The following TSC22D1 variants were observed in gnomAD, a reference collection of about 807,000 sequenced individuals.
TSC22D1 encodes TSC22 domain family protein 1.
TSC22D1 carries 9 observed loss-of-function variants against 74.2 expected under a neutral mutation model. That is an observed-to-expected ratio of 0.12 (90% confidence interval 0.07 to 0.21). The LOEUF (loss-of-function observed/expected upper bound fraction) is 0.21, where lower values mean the gene tolerates loss of function less well. Among genes scored for constraint, TSC22D1 ranks in the 10% least tolerant of loss-of-function variants. The pLI is 1.00. For missense variants in TSC22D1, 1,427 were observed against 1,304.7 expected, an observed-to-expected ratio of 1.09 and a Z score of -1.44; for synonymous variants, 586 against 492.5, an observed-to-expected ratio of 1.19 and a Z score of -2.51.
At chr13:44,542,850 T>C (rs1458962218) in intron 1 of TSC22D1, among the ~76,000 whole-genome samples, 2 of 152,124 alleles carry the variant, frequency 1.3e-5, no homozygotes, top group Non-Finnish European at 2.9e-5. Context: ...ATATTATTGA[T>C]GGAAGCTCCT....
intron 1 of TSC22D1, among the ~76,000 whole-genome samples, chr13:44,494,312 G>A (rs1878858726): frequency 7.2e-6 from 1 of 137,948 alleles, no homozygotes; most frequent in Admixed American, 7.8e-5. Flanking sequence ...AGAGGTGGAG[G>A]TTGCAGTGAG....
intron 1 of TSC22D1, among the ~76,000 whole-genome samples, chr13:44,448,828 G>A (rs1875891733): frequency 6.6e-6 from 1 of 152,078 alleles, no homozygotes; most frequent in Admixed American, 6.5e-5. Flanking sequence ...GTTGGATGGA[G>A]CATAGAACCA....
chr13:44,498,941 TAAGTCA>T (rs1286125655), intron 1 of TSC22D1, among the ~76,000 whole-genome samples: 1 of 152,180 alleles, frequency 6.6e-6, no homozygotes, highest in African/African-American at 2.4e-5. Flanking sequence ...AAAACTAGTC[TAAGTCA>T]ATCTAAGGAA....
At chr13:44,516,230 ATTAGT>A in intron 1 of TSC22D1, 1 of 340,138 alleles carries the variant, frequency 2.9e-6, no homozygotes, top group Non-Finnish European at 5.6e-6. Flanking sequence ...GTTGAACATC[ATTAGT>A]TTACTTGAGA....
chr13:44,509,950 C>CAAAAAAAAAAAAAAAAAAAAAAATAAA, intron 1 of TSC22D1, among the ~76,000 whole-genome samples: 10 of 51,428 alleles, frequency 1.9e-4, no homozygotes, highest in Non-Finnish European at 2.9e-4. Flanking sequence ...AGAAAATAAG[C>CAAAAAAAAAAAAAAAAAAAAAAATAAA]AAAAAAAAAA....
rs202192545 is a variant in TSC22D1 at position 44,573,530 on chromosome 13, T to C, written c.2545A>G (p.Thr849Ala). The C allele has an allele frequency of 9.7e-5, 157 of 1,614,126 alleles. No homozygotes were observed. The highest frequency in any genetic ancestry group is 3.8e-4 in the Admixed American group (23 of 60,006). ...ATATTTTGTGGTGGAACCAAGTTTG[T>C]TGGGGCAGAAGGCATTCCAGAAGGA... ...TGPSGMPSAP[T>A]NLVPPQNIAQ... The change falls in exon 1 of 3, where the codon ACA becomes GCA. Residue 849 changes from threonine to alanine, a missense_variant. Coordinates refer to ENST00000458659, the MANE Select transcript of TSC22D1 (RefSeq NM_183422.4).
chr13:44,532,865 G>A (rs937636226), intron 1 of TSC22D1, among the ~76,000 whole-genome samples: 2 of 152,078 alleles, frequency 1.3e-5, no homozygotes, highest in Non-Finnish European at 2.9e-5. Flanking sequence ...CTTGGGCTTG[G>A]AATTGATGGG....
At chr13:44,481,105 G>A (rs1878157294) in intron 1 of TSC22D1, among the ~76,000 whole-genome samples, 1 of 152,228 alleles carries the variant, frequency 6.6e-6, no homozygotes, top group Non-Finnish European at 1.5e-5. Flanking sequence ...GAGACAGAAG[G>A]AGAACCAGAA....
intron 1 of TSC22D1, among the ~76,000 whole-genome samples, chr13:44,487,211 A>C (rs549682090): frequency 1.5e-4 from 23 of 152,054 alleles, no homozygotes; most frequent in Non-Finnish European, 2.9e-4. Flanking sequence ...AAAAAAAGAA[A>C]TTACTGGCCA....
At chr13:44,494,887 A>T (rs1005656556) in intron 1 of TSC22D1, among the ~76,000 whole-genome samples, 19 of 152,240 alleles carry the variant, frequency 1.2e-4, no homozygotes, top group Non-Finnish European at 2.8e-4. Context: ...ATGTCTCAAC[A>T]AATACAGAAT....
intron 1 of TSC22D1, among the ~76,000 whole-genome samples, chr13:44,531,502 C>A (rs74422430): frequency 0.011 from 1,622 of 152,222 alleles, 21 homozygotes; most frequent in African/African-American, 0.036. Flanking sequence ...TCACCTTTCT[C>A]ACAGGTTAAC....
At position 44,574,491 on chromosome 13, in the gene TSC22D1, C is replaced by T. The variant is rs1255491220; in HGVS notation, c.1584G>A (p.Gln528=). ...GTGGTATACTAACTGCTGGAATACT[C>T]TGTGGACCAGTGCTACCAAAATCCA... ...QQMDFGSTGP[Q]SIPAVSIPQS... is the part of the protein sequence containing the mutation. Residue 528 remains glutamine (Q), a synonymous_variant, in exon 1 of 3, where the codon CAG becomes CAA. Transcript: ENST00000458659. 2.5e-6 allele frequency: 4 copies of T among 1,614,060 alleles called. No individual in the cohort carries two copies. Among genetic ancestry groups the T allele is most frequent in the African/African-American group, 1.3e-5 (1 of 74,946 alleles).
intron 1 of TSC22D1, among the ~76,000 whole-genome samples, chr13:44,482,017 C>T (rs149998942): frequency 1.3e-5 from 2 of 152,294 alleles, no homozygotes; most frequent in Admixed American, 6.5e-5. Flanking sequence ...CCTTCTCAAA[C>T]TCCATCAGCT....
In TSC22D1 at chr13:44,433,728, T is replaced by A. The variant is rs889367886; in HGVS notation, c.*898A>T. 2.1e-6 allele frequency: 1 copy of A among 474,144 alleles called. No homozygotes were observed. The highest frequency in any genetic ancestry group is 3.7e-6 in the Non-Finnish European group (1 of 272,598). The allele number at this position is 474,144 out of a possible 1,614,324, so 29.4% of individuals were successfully genotyped here. On this transcript the variant is annotated 3_prime_UTR_variant, in exon 3 of 3. Coordinates refer to ENST00000458659, the MANE Select transcript of TSC22D1 (RefSeq NM_183422.4). ...TATTCAACCAGCTCAATTGAAAGAC[T>A]TCAGTGAACAAGGATTTACTTCAGC...
chr13:44,574,689 C>A lies in TSC22D1; in HGVS notation c.1386G>T (p.Arg462Ser), dbSNP rs200289010. ...TCACTGAACTCCCACTAGTGCTCTC[C>A]CTTTCAGAAGTCACTTCTATCGGAT... is the stretch of plus-strand genomic sequence containing the variant. ...KQNPIEVTSE[R>S]ESTSGSSVSS... Residue 462 changes from arginine (R) to serine (S), a missense_variant, in exon 1 of 3, where the codon AGG becomes AGT. This residue lies in a region of TSC22D1 where 1,343 missense variants were observed against 1,191.5 expected (regional missense o/e 1.13). Coordinates refer to ENST00000458659, the MANE Select transcript of TSC22D1 (RefSeq NM_183422.4). 2.1e-4 allele frequency: 332 copies of A among 1,614,026 alleles called. No homozygotes were observed. The highest frequency in any genetic ancestry group is 2.6e-4 in the Non-Finnish European group (312 of 1,180,044).
intron 1 of TSC22D1, among the ~76,000 whole-genome samples, chr13:44,442,997 C>T (rs977421552): frequency 7.1e-6 from 1 of 141,482 alleles, no homozygotes; most frequent in Non-Finnish European, 1.5e-5. Flanking sequence ...TTTCAAGCAA[C>T]CAAATATATC....
chr13:44,511,165 C>T (rs1193677168), intron 1 of TSC22D1, among the ~76,000 whole-genome samples: 3 of 152,014 alleles, frequency 2.0e-5, no homozygotes, highest in Non-Finnish European at 4.4e-5. Context: ...CACCTGTAAT[C>T]CCAGCTACTC....
intron 1 of TSC22D1, among the ~76,000 whole-genome samples, chr13:44,535,351 A>G (rs946756638): frequency 5.9e-5 from 9 of 152,120 alleles, no homozygotes; most frequent in Non-Finnish European, 7.4e-5. Flanking sequence ...ATTAGTGGAA[A>G]AAACACTCCA....
Position 44,434,606 on chromosome 13 carries a change from T to C in TSC22D1, c.*20A>G. Reference sequence around the variant, plus strand: ...TGTTCAGTTCACACGCAGCAGCCAGTTCTGCGGGGGCATAGGCAGCTATGC... The same window carrying C: ...TGTTCAGTTCACACGCAGCAGCCAGCTCTGCGGGGGCATAGGCAGCTATGC... On this transcript the variant is annotated 3_prime_UTR_variant, in exon 3 of 3. Coordinates refer to ENST00000458659, the MANE Select transcript of TSC22D1 (RefSeq NM_183422.4). The C allele has an allele frequency of 6.6e-7, 1 of 1,515,086 alleles. No individual in the cohort carries two copies. The highest frequency in any genetic ancestry group is 8.8e-7 in the Non-Finnish European group (1 of 1,134,540). The allele number at this position is 1,515,086 out of a possible 1,614,324, so 93.9% of individuals were successfully genotyped here.
Sources: gnomAD v4.1 joint callset for allele counts (sites outside exome capture counted in the v4.1 genomes callset) on GRCh38, gnomAD v4.1.1 for gene constraint, gnomAD v4.1.1 regional missense constraint, MANE v1.5 for transcripts, NCBI Gene and HGNC (gene_info 2026-07-23, HGNC 2026-07-21) for gene names.